The following PADI2 variants were observed in gnomAD, a reference collection of about 807,000 sequenced individuals.
The protein encoded by PADI2 is peptidyl arginine deiminase 2, also known as protein-arginine deiminase type-2.
Under a neutral mutation model 81.1 loss-of-function variants are expected in PADI2, and 70 were observed. The ratio of observed to expected loss-of-function variants is 0.86; its 90% CI spans 0.71 to 1.05. The LOEUF (loss-of-function observed/expected upper bound fraction) is 1.05. Ranked by LOEUF, PADI2 falls within the 50% of genes least tolerant of loss-of-function variation. The pLI is 0.00. For synonymous variants in PADI2, 338 were observed against 358.0 expected, an observed-to-expected ratio of 0.94 and a Z score of 0.63; for missense variants, 853 against 889.9, an observed-to-expected ratio of 0.96 and a Z score of 0.53.
At chr1:17,075,398 G>A (rs976823199) in intron 12 of PADI2, 1 of 410,042 alleles carries the variant, frequency 2.4e-6, no homozygotes, top group African/African-American at 2.1e-5. Context: ...TGTGTCATGT[G>A]AGTAAAATCT....
intron 1 of PADI2, among the ~76,000 whole-genome samples, chr1:17,109,472 C>T (rs1931500214): frequency 6.7e-6 from 1 of 150,130 alleles, no homozygotes; most frequent in African/African-American, 2.4e-5. Flanking sequence ...TAACCAGAGC[C>T]ACTACTACTA....
intron 8 of PADI2, 71 bp from the exon 9 acceptor site, chr1:17,083,908 T>C: frequency 3.3e-6 from 3 of 897,208 alleles, no homozygotes; most frequent in Non-Finnish European, 5.6e-6. Flanking sequence ...CTCCCTGAGA[T>C]GGTGACAGCA....
chr1:17,115,662 C>T lies in PADI2; in HGVS notation c.92+3618G>A, dbSNP rs968492936. Among the ~76,000 whole-genome samples, 1 of 152,166 alleles carries T rather than the reference C, an allele frequency of 6.6e-6. No individual in the cohort carries two copies. The highest frequency in any genetic ancestry group is 1.9e-4 in the East Asian group (1 of 5,192). ...AACCTAGGGACTCCCTCTGTGCTCT[C>T]TTTCCAACTTCAAGCCCAAATCAGA... On this transcript the variant is annotated intron_variant, in intron 1 of 15. Coordinates refer to ENST00000375486, the MANE Select transcript of PADI2 (RefSeq NM_007365.3). The surrounding 1 kb of genome is among the most constrained non-coding windows in gnomAD (Gnocchi z 4.1).
chr1:17,089,152 G>C (rs1240117843), intron 6 of PADI2, among the ~76,000 whole-genome samples: 1 of 152,132 alleles, frequency 6.6e-6, no homozygotes, highest in Non-Finnish European at 1.5e-5. Flanking sequence ...AGAAGGCAGG[G>C]AAACCACGTC....
intron 1 of PADI2, 105 bp from the exon 2 acceptor site, chr1:17,105,166 G>A (rs1467209613): frequency 1.1e-5 from 8 of 747,058 alleles, no homozygotes; most frequent in East Asian, 2.9e-5. Flanking sequence ...GTCAAAGCCC[G>A]AGAATCACTT....
chr1:17,102,750 T>C (rs934822393), intron 3 of PADI2, among the ~76,000 whole-genome samples: 7 of 62,272 alleles, frequency 1.1e-4, no homozygotes, highest in African/African-American at 3.4e-4. Context: ...ACCTTGACAC[T>C]TGGGGGGGGG....
intron 2 of PADI2, 70 bp from the exon 3 acceptor site, chr1:17,103,129 A>T: frequency 9.3e-7 from 1 of 1,074,938 alleles, no homozygotes; most frequent in Non-Finnish European, 1.4e-6. Context: ...AAGCAGGAAA[A>T]CCTGAAGCAA....
At chr1:17,095,759 G>T in intron 4 of PADI2, 150 bp downstream of exon 4, 1 of 599,916 alleles carries the variant, frequency 1.7e-6, no homozygotes. Context: ...GAGCTCCTCT[G>T]TGGGTTCCAT....
rs2101565075 is a variant in PADI2, at chr1:17,067,599, T to C, written c.*1445A>G. Reference sequence around the variant, plus strand: ...CACTGAAGGGGCAGAGGCTGGCCTTTAAATGTGGGCTTTGCATGTTGGGGA... The same window carrying C: ...CACTGAAGGGGCAGAGGCTGGCCTTCAAATGTGGGCTTTGCATGTTGGGGA... On this transcript the variant is annotated 3_prime_UTR_variant, in exon 16 of 16. Transcript: ENST00000375486. The C allele has an allele frequency of 6.6e-6, 1 of 152,366 alleles. No homozygotes were observed. The allele number at this position is 152,366 out of a possible 1,614,324, so 9.4% of individuals were successfully genotyped here.
chr1:17,117,342 A>T (rs1232831430), intron 1 of PADI2, among the ~76,000 whole-genome samples: 1 of 152,246 alleles, frequency 6.6e-6, no homozygotes, highest in Non-Finnish European at 1.5e-5. Flanking sequence ...ATATTGGGTT[A>T]AACAAAATAT....
At chr1:17,079,748 G>T (rs192571695) in intron 10 of PADI2, among the ~76,000 whole-genome samples, 46 of 151,884 alleles carry the variant, frequency 3.0e-4, no homozygotes, top group African/African-American at 8.5e-4. Flanking sequence ...GGTGATTTCA[G>T]AATTAGTCCG....
At chr1:17,110,310 G>C (rs1211977861) in intron 1 of PADI2, among the ~76,000 whole-genome samples, 2 of 152,130 alleles carry the variant, frequency 1.3e-5, no homozygotes, top group Non-Finnish European at 2.9e-5. Flanking sequence ...GCTAAGGAGA[G>C]CATGGATGGA....
intron 10 of PADI2, among the ~76,000 whole-genome samples, chr1:17,081,390 C>T (rs947829444): frequency 6.6e-6 from 1 of 152,128 alleles, no homozygotes; most frequent in African/African-American, 2.4e-5. Flanking sequence ...AATTGCTTGC[C>T]CAAGGTCACA....
intron 2 of PADI2, among the ~76,000 whole-genome samples, chr1:17,103,286 A>T (rs941702399): frequency 3.9e-5 from 6 of 152,242 alleles, no homozygotes; most frequent in Non-Finnish European, 7.3e-5. Context: ...GAGGGCAGTT[A>T]GGATGCTGTC....
chr1:17,070,932 G>A (rs1416671354), intron 14 of PADI2, among the ~76,000 whole-genome samples: 1 of 152,150 alleles, frequency 6.6e-6, no homozygotes, highest in African/African-American at 2.4e-5. Flanking sequence ...AAAGAGTTGG[G>A]ATTACAGGCA....
chr1:17,107,693 C>T lies in PADI2; in HGVS notation c.93-2632G>A, dbSNP rs193105297. Among the ~76,000 whole-genome samples, 369 of 152,316 alleles carry T rather than the reference C, an allele frequency of 2.4e-3. 4 individuals are homozygous for T. The highest frequency in any genetic ancestry group is 1.1e-3 in the Non-Finnish European group (77 of 68,026). On this transcript the variant is annotated intron_variant, in intron 1 of 15. Coordinates refer to ENST00000375486, the MANE Select transcript of PADI2 (RefSeq NM_007365.3). ...CGTGAGCGTGAATCTGTAGAGGCTGCCGGGCAGTGTCTGTCTGACCTGGGC... is the reference window on the plus strand; with the variant it reads ...CGTGAGCGTGAATCTGTAGAGGCTGTCGGGCAGTGTCTGTCTGACCTGGGC...
intron 1 of PADI2, among the ~76,000 whole-genome samples, chr1:17,111,587 T>TAA (rs113855519): frequency 0.063 from 9,309 of 147,738 alleles, 381 homozygotes; most frequent in Middle Eastern, 0.12. Context: ...GTGCTGACTG[T>TAA]AAAAAAAAAA....
At position 17,115,470 on chromosome 1, in the gene PADI2, G is replaced by A. The variant is rs189706115; in HGVS notation, c.92+3810C>T. 2.0e-5 allele frequency among the ~76,000 whole-genome samples: 3 copies of A among 152,354 alleles called. No homozygotes were observed. Among genetic ancestry groups the A allele is most frequent in the African/African-American group, 7.2e-5 (3 of 41,578 alleles). ...ACTCTCACTGACAGAGGCATAAGCC[G>A]AGGGAGGAACAGAAGAAGCCATTCC... On this transcript the variant is annotated intron_variant, in intron 1 of 15. Transcript: ENST00000375486. This position sits in a 1 kb window ranked among gnomAD's most constrained non-coding sequence, Gnocchi z 4.1.
intron 14 of PADI2, 24 bp from the exon 15 acceptor site, chr1:17,070,240 G>A (rs751646202): frequency 1.2e-6 from 2 of 1,612,470 alleles, no homozygotes; most frequent in Admixed American, 1.7e-5. Flanking sequence ...AGGATGGAGG[G>A]CATGCAGGTG....
Sources: allele counts gnomAD v4.1 joint callset (sites outside exome capture counted in the v4.1 genomes callset), GRCh38; gene constraint gnomAD v4.1.1; non-coding constraint Gnocchi (gnomAD v3.1); transcripts MANE v1.5; gene names NCBI Gene and HGNC (gene_info 2026-07-23, HGNC 2026-07-21).